SUSD1: variants seen among roughly 807,000 people sequenced by gnomAD.
SUSD1 encodes sushi domain-containing protein 1.
SUSD1 carries 65 observed loss-of-function variants against 86.9 expected under a neutral mutation model. That is an observed-to-expected ratio of 0.75 (90% CI 0.61 to 0.92). SUSD1 has a LOEUF of 0.92. Among genes scored for constraint, SUSD1 ranks in the 40% least tolerant of loss-of-function variants. SUSD1 has a pLI of 0.00. For missense variants in SUSD1, 850 were observed against 929.7 expected (o/e 0.91, Z 1.11); for synonymous variants, 346 against 350.0 (o/e 0.99, Z 0.13).
chr9:112,124,888 A>G (rs1831704780), intron 5 of SUSD1, among the ~76,000 whole-genome samples: 1 of 152,228 alleles, frequency 6.6e-6, no homozygotes, highest in African/African-American at 2.4e-5. Context: ...ACTTATATGC[A>G]TCTTTCAAAG....
At chr9:112,073,119 G>A (rs1829357381) in intron 12 of SUSD1, among the ~76,000 whole-genome samples, 1 of 152,274 alleles carries the variant, frequency 6.6e-6, no homozygotes, top group Non-Finnish European at 1.5e-5. Context: ...GGCAGGGGCA[G>A]GGAGGATCAG....
intron 15 of SUSD1, among the ~76,000 whole-genome samples, chr9:112,043,461 C>A (rs905322804): frequency 2.0e-5 from 3 of 152,064 alleles, no homozygotes; most frequent in African/African-American, 4.8e-5. Flanking sequence ...ACTCACTGAC[C>A]CCCCCATCCC....
Position 112,078,592 on chromosome 9 carries a change from G to A in SUSD1, c.1699C>T (p.Arg567Trp), listed in dbSNP as rs772582038. The change falls in exon 12 of 17, where the codon CGG becomes TGG. Residue 567 changes from arginine to tryptophan, a missense_variant. Coordinates refer to ENST00000374270, the MANE Select transcript of SUSD1 (RefSeq NM_022486.5). ...RPGTNYNVSL[R>W]ALSSELPVVI... is the part of the protein sequence containing the mutation. ...ACAGGAAGTTCCGAAGACAGAGCCCGGAGACTGACATTGTAGTTGGTACCC... is the reference window on the plus strand; with the variant it reads ...ACAGGAAGTTCCGAAGACAGAGCCCAGAGACTGACATTGTAGTTGGTACCC... 1.5e-5 allele frequency: 24 copies of A among 1,613,868 alleles called. No individual in the cohort carries two copies. Among genetic ancestry groups the A allele is most frequent in the East Asian group, 2.2e-5 (1 of 44,884 alleles).
Position 112,175,266 on chromosome 9 carries a change from G to T in SUSD1, c.-31C>A. 1 of 1,135,766 alleles carries T rather than the reference G, an allele frequency of 8.8e-7. No homozygotes were observed. The highest frequency in any genetic ancestry group is 1.1e-6 in the Non-Finnish European group (1 of 926,622). The allele number at this position is 1,135,766 out of a possible 1,614,324, so 70.4% of individuals were successfully genotyped here. ...CGCCGGTCCCTCCCGGCGCGCCCGC[G>T]CCTCCTCCCGGGGCCCTCAGGGTGC... On this transcript the variant is annotated 5_prime_UTR_variant, in exon 1 of 17. Coordinates refer to ENST00000374270, the MANE Select transcript of SUSD1 (RefSeq NM_022486.5). The surrounding 1 kb of genome is among the most constrained non-coding windows in gnomAD (Gnocchi z 4.7).
chr9:112,100,905 T>G (rs1312819718), intron 9 of SUSD1, among the ~76,000 whole-genome samples: 1 of 125,836 alleles, frequency 7.9e-6, no homozygotes, highest in African/African-American at 3.1e-5. Flanking sequence ...AAATCTCTAT[T>G]TTTATACTTA....
intron 2 of SUSD1, among the ~76,000 whole-genome samples, chr9:112,152,750 T>C (rs951754845): frequency 8.3e-6 from 1 of 120,260 alleles, no homozygotes; most frequent in African/African-American, 3.5e-5. Context: ...TTTTTTTTAA[T>C]CTTTTTTTTT....
intron 8 of SUSD1, among the ~76,000 whole-genome samples, chr9:112,108,774 C>CAA (rs11312103): frequency 7.3e-4 from 50 of 68,548 alleles, no homozygotes; most frequent in East Asian, 4.1e-3. Flanking sequence ...CTGGGTGTCT[C>CAA]AAAAAAAAAA....
chr9:112,144,311 T>C (rs963107213), intron 3 of SUSD1, among the ~76,000 whole-genome samples: 1 of 151,908 alleles, frequency 6.6e-6, no homozygotes, highest in South Asian at 2.1e-4. Context: ...ACTAAAAGAA[T>C]CCAGTCACTA....
intron 9 of SUSD1, among the ~76,000 whole-genome samples, chr9:112,100,857 G>GACACACACACACACACACACAC (rs5899985): frequency 3.9e-4 from 55 of 140,496 alleles, no homozygotes; most frequent in African/African-American, 1.2e-3. Context: ...ATTGTACCTG[G>GACACACACACACACACACACAC]ACACACACAC....
At chr9:112,153,570 A>G (rs1443821244) in intron 2 of SUSD1, among the ~76,000 whole-genome samples, 1 of 151,970 alleles carries the variant, frequency 6.6e-6, no homozygotes, top group African/African-American at 2.4e-5. Context: ...ATAATCCAGT[A>G]ATATAATCAT....
chr9:112,148,035 G>A (rs909444204), intron 3 of SUSD1, among the ~76,000 whole-genome samples: 3 of 152,220 alleles, frequency 2.0e-5, no homozygotes, highest in Admixed American at 6.5e-5. Context: ...CCTTGGTACA[G>A]GTCAAGAGGG....
rs377497510 is a variant in SUSD1, at chr9:112,041,503, A to G, written c.*-11T>C. 1.7e-4 allele frequency: 132 copies of G among 780,924 alleles called. No homozygotes were observed. Among genetic ancestry groups the G allele is most frequent in the Non-Finnish European group, 2.9e-4 (123 of 418,120 alleles). 48.4% of individuals were successfully genotyped at this position (780,924 alleles called of 1,614,324 possible). ...GTGTCCATCTGCCATCTAGACATGGAGGAGGAAAAGAAAAGAGACAAATAT... is the reference window on the plus strand; with the variant it reads ...GTGTCCATCTGCCATCTAGACATGGGGGAGGAAAAGAAAAGAGACAAATAT... On this transcript the variant is annotated splice_polypyrimidine_tract_variant and intron_variant, in intron 16 of 16. Transcript: ENST00000374270.
At chr9:112,138,257 G>A (rs376797586) in intron 5 of SUSD1, among the ~76,000 whole-genome samples, 4,511 of 25,076 alleles carry the variant, frequency 0.18, 469 homozygotes, top group Non-Finnish European at 0.23. Context: ...ATATATATAT[G>A]TGTATATACA....
intron 12 of SUSD1, among the ~76,000 whole-genome samples, chr9:112,067,276 A>T (rs1829024790): frequency 6.6e-6 from 1 of 152,240 alleles, no homozygotes; most frequent in Non-Finnish European, 1.5e-5. Context: ...TGGCTGGAAG[A>T]ATTTGGCAGA....
chr9:112,134,602 TAGAG>T (rs959092786), intron 5 of SUSD1, among the ~76,000 whole-genome samples: 5 of 151,670 alleles, frequency 3.3e-5, no homozygotes, highest in African/African-American at 4.8e-5. Context: ...AGAGGACAAA[TAGAG>T]GGAGGAGGGA....
At chr9:112,172,274 C>T (rs1256928995) in intron 1 of SUSD1, among the ~76,000 whole-genome samples, 2 of 152,124 alleles carry the variant, frequency 1.3e-5, no homozygotes, top group African/African-American at 4.8e-5. Flanking sequence ...CTAGCTCTCA[C>T]CCTCTCTCCT....
At chr9:112,084,532 C>T (rs1829896680) in intron 10 of SUSD1, among the ~76,000 whole-genome samples, 1 of 152,090 alleles carries the variant, frequency 6.6e-6, no homozygotes. Flanking sequence ...GTCTCACTGG[C>T]TCAGTTCATT....
In SUSD1 at chr9:112,157,536, A is replaced by T; in HGVS notation, c.181T>A (p.Tyr61Asn). The T allele has an allele frequency of 6.2e-7, 1 of 1,614,136 alleles. No homozygotes were observed. Among genetic ancestry groups the T allele is most frequent in the South Asian group, 1.1e-5 (1 of 91,080 alleles). The change falls in exon 2 of 17, where the codon TAT (tyrosine) becomes AAT (asparagine). Residue 61 changes from tyrosine to asparagine, a missense_variant. Tyr to Asn is a moderately radical substitution (Grantham distance 143). Transcript: ENST00000374270. ...REGKKICICN[Y>N]GFVGNGRTQC... is the part of the protein sequence containing the mutation. ...GTCCTCCCGTTCCCTACAAATCCAT[A>T]GTTGCAAATACAGATCTTCTTCCCT...
At chr9:112,074,227 A>G (rs1016022311) in intron 12 of SUSD1, among the ~76,000 whole-genome samples, 6 of 152,152 alleles carry the variant, frequency 3.9e-5, no homozygotes, top group Non-Finnish European at 8.8e-5. Context: ...AAACAAAAAA[A>G]AAGAAAAAGA....
Sources: gnomAD v4.1 joint callset for allele counts (sites outside exome capture counted in the v4.1 genomes callset) on GRCh38, gnomAD v4.1.1 for gene constraint, Gnocchi (gnomAD v3.1) non-coding constraint, MANE v1.5 for transcripts, NCBI Gene and HGNC (gene_info 2026-07-23, HGNC 2026-07-21) for gene names.